Variants in DYM observed in about 807,000 individuals in gnomAD.
DYM encodes dyggve-Melchior-Clausen syndrome protein.
Under a neutral mutation model 93.1 loss-of-function variants are expected in DYM, and 78 were observed. The observed-to-expected ratio is 0.84, with a 90% CI of 0.70 to 1.01. The LOEUF (loss-of-function observed/expected upper bound fraction) is 1.01. Among genes scored for constraint, DYM ranks in the 50% least tolerant of loss-of-function variants. The pLI, the probability that DYM is intolerant of heterozygous loss-of-function variation, is 0.00. For synonymous variants in DYM, 321 were observed against 319.7 expected (o/e 1.00, Z -0.04); for missense variants, 789 against 845.0 (o/e 0.93, Z 0.82).
chr18:49,240,513 C>T lies in DYM; in HGVS notation c.1460+16497G>A, dbSNP rs1351591292. ...TCTTCCAAATGTTGACACATTTCAT[C>T]AAATAATAGTTTTTAAAATCCATAT... On this transcript the variant is annotated intron_variant, in intron 13 of 17. Coordinates refer to ENST00000675505, the MANE Select transcript of DYM (RefSeq NM_001353214.3). 1.3e-5 allele frequency among the ~76,000 whole-genome samples: 2 copies of T among 152,282 alleles called. 1 individual carries two copies. Among genetic ancestry groups the T allele is most frequent in the Middle Eastern group, 6.8e-3 (2 of 294 alleles).
At chr18:49,309,958 T>TG (rs1218247812) in intron 8 of DYM, among the ~76,000 whole-genome samples, 7 of 152,150 alleles carry the variant, frequency 4.6e-5, no homozygotes, top group African/African-American at 1.7e-4. Flanking sequence ...GACAACATAA[T>TG]GGTTCAGTGT....
intron 6 of DYM, among the ~76,000 whole-genome samples, chr18:49,362,002 G>A (rs2066066011): frequency 6.6e-6 from 1 of 151,012 alleles, no homozygotes; most frequent in Admixed American, 6.6e-5. Context: ...GAGATTACAG[G>A]CATAAGCCAC....
chr18:49,232,312 T>C (rs938023127), intron 13 of DYM, among the ~76,000 whole-genome samples: 1 of 151,742 alleles, frequency 6.6e-6, no homozygotes, highest in Non-Finnish European at 1.5e-5. Flanking sequence ...TTTTCTTTTT[T>C]TTTTTTCTTT....
At chr18:49,449,544 C>T (rs1359864669) in intron 1 of DYM, among the ~76,000 whole-genome samples, 1 of 152,104 alleles carries the variant, frequency 6.6e-6, no homozygotes, top group Non-Finnish European at 1.5e-5. Context: ...TTAATTTCCC[C>T]AAACCTTAAA....
chr18:49,110,228 CTCT>C (rs1283415050), intron 16 of DYM, among the ~76,000 whole-genome samples: 4 of 152,174 alleles, frequency 2.6e-5, no homozygotes, highest in Non-Finnish European at 4.4e-5. Flanking sequence ...GTTTGAGGAC[CTCT>C]TCTTCCAACA....
intron 5 of DYM, among the ~76,000 whole-genome samples, chr18:49,365,622 G>A (rs1298949863): frequency 1.3e-5 from 2 of 152,140 alleles, no homozygotes; most frequent in African/African-American, 4.8e-5. Flanking sequence ...TCTACAGGAT[G>A]CAATGTCCCA....
intron 8 of DYM, among the ~76,000 whole-genome samples, chr18:49,317,654 T>TC (rs1357385543): frequency 0.18 from 8,093 of 45,286 alleles, 700 homozygotes; most frequent in East Asian, 0.46. Flanking sequence ...CTCTCCTTCC[T>TC]TCCTTCCTTC....
chr18:49,171,013 CCAA>C (rs1375034057), intron 14 of DYM, among the ~76,000 whole-genome samples: 2 of 151,682 alleles, frequency 1.3e-5, no homozygotes, highest in African/African-American at 4.8e-5. Context: ...AAAACAAAAC[CCAA>C]CAACAACAAA....
intron 1 of DYM, among the ~76,000 whole-genome samples, chr18:49,441,221 AATTAT>A (rs1296378517): frequency 3.7e-5 from 1 of 26,924 alleles, no homozygotes; most frequent in Admixed American, 7.2e-4. Flanking sequence ...TATTATATAT[AATTAT>A]ATTATATATA....
At chr18:49,335,530 T>C (rs2063592779) in intron 6 of DYM, among the ~76,000 whole-genome samples, 1 of 152,224 alleles carries the variant, frequency 6.6e-6, no homozygotes, top group Admixed American at 6.5e-5. Context: ...ATGAATTGAA[T>C]GAAAGACAAA....
intron 11 of DYM, among the ~76,000 whole-genome samples, chr18:49,261,714 A>T (rs554626510): frequency 8.5e-5 from 13 of 152,158 alleles, no homozygotes; most frequent in Non-Finnish European, 1.6e-4. Flanking sequence ...CAACTCTTTT[A>T]AAAAAATTAA....
intron 2 of DYM, among the ~76,000 whole-genome samples, chr18:49,403,729 T>G (rs2071115877): frequency 6.6e-6 from 1 of 152,104 alleles, no homozygotes; most frequent in Non-Finnish European, 1.5e-5. Context: ...TTTTTAACCC[T>G]TGTCCCCCTC....
chr18:49,286,962 G>C (rs545255013), intron 8 of DYM, among the ~76,000 whole-genome samples: 1 of 152,266 alleles, frequency 6.6e-6, no homozygotes, highest in Admixed American at 6.5e-5. Flanking sequence ...AGAGGCCAAG[G>C]CAGGTGGACC....
intron 17 of DYM, among the ~76,000 whole-genome samples, chr18:49,087,302 G>T (rs540238807): frequency 1.8e-4 from 28 of 152,236 alleles, no homozygotes; most frequent in African/African-American, 6.7e-4. Flanking sequence ...TTTCAATTAA[G>T]TGTTTTAGTT....
At chr18:49,127,745 T>A (rs534351636) in intron 15 of DYM, among the ~76,000 whole-genome samples, 1 of 152,358 alleles carries the variant, frequency 6.6e-6, no homozygotes, top group East Asian at 1.9e-4. Context: ...TTTGTGGCCA[T>A]GTTATTTCTA....
chr18:49,234,617 A>T (rs2093806981), intron 13 of DYM, among the ~76,000 whole-genome samples: 2 of 152,154 alleles, frequency 1.3e-5, no homozygotes, highest in African/African-American at 2.4e-5. Context: ...GTCTCCGAGG[A>T]CTGTGTGATA....
At chr18:49,110,336 G>C (rs1194602809) in intron 16 of DYM, among the ~76,000 whole-genome samples, 1 of 152,066 alleles carries the variant, frequency 6.6e-6, no homozygotes, top group Admixed American at 6.5e-5. Flanking sequence ...TCTTTTTGTA[G>C]ATCCAAGTTT....
intron 14 of DYM, among the ~76,000 whole-genome samples, chr18:49,203,728 G>A (rs943582856): frequency 7.1e-6 from 1 of 140,014 alleles, no homozygotes; most frequent in Non-Finnish European, 1.5e-5. Context: ...AAGGCCGCAG[G>A]GTCCTCTGCC....
At chr18:49,327,957 A>G (rs1440659453) in intron 8 of DYM, among the ~76,000 whole-genome samples, 1 of 152,216 alleles carries the variant, frequency 6.6e-6, no homozygotes, top group Non-Finnish European at 1.5e-5. Context: ...GGGTGATCAC[A>G]AGAACAAAAG....
Sources: gnomAD v4.1 joint callset for allele counts (sites outside exome capture counted in the v4.1 genomes callset) on GRCh38, gnomAD v4.1.1 for gene constraint, MANE v1.5 for transcripts, NCBI Gene and HGNC (gene_info 2026-07-23, HGNC 2026-07-21) for gene names.